DCUN1D4: variants seen among roughly 807,000 people sequenced by gnomAD.
DCUN1D4 encodes the protein DCN1-like protein 4.
Under a neutral mutation model 47.9 loss-of-function variants are expected in DCUN1D4, and 22 were observed. The observed-to-expected ratio is 0.46, with a 90% CI of 0.33 to 0.66. The LOEUF is 0.66. Ranked by LOEUF, DCUN1D4 falls within the 30% of genes least tolerant of loss-of-function variation. The probability of loss-of-function intolerance (pLI) is 0.02; values close to 1 mark genes in which losing one functional copy is unlikely to be tolerated. For synonymous variants in DCUN1D4, 121 were observed against 112.2 expected (o/e 1.08, Z -0.50); for missense variants, 301 against 340.8 (o/e 0.88, Z 0.92).
At chr4:51,847,913 AATTAG>A (rs1301738563) in intron 1 of DCUN1D4, among the ~76,000 whole-genome samples, 6 of 152,130 alleles carry the variant, frequency 3.9e-5, no homozygotes, top group Non-Finnish European at 7.4e-5. Flanking sequence ...TCCCCTCCCC[AATTAG>A]ATTATTACCT....
At chr4:51,863,607 AGTT>A in intron 2 of DCUN1D4, 60 bp from the exon 3 acceptor site, 2 of 1,587,838 alleles carry the variant, frequency 1.3e-6, no homozygotes, top group South Asian at 1.1e-5. Context: ...TTAGGATATC[AGTT>A]GTTTATGAAA....
chr4:51,886,465 T>G, intron 5 of DCUN1D4, 103 bp from the exon 6 acceptor site: 1 of 961,310 alleles, frequency 1.0e-6, no homozygotes. Context: ...CAAAAGGAGT[T>G]AATGGCCTTT....
At chr4:51,848,966 A>AT (rs1722962918) in intron 1 of DCUN1D4, among the ~76,000 whole-genome samples, 2 of 151,946 alleles carry the variant, frequency 1.3e-5, no homozygotes, top group South Asian at 4.2e-4. Flanking sequence ...TCCTTGTGAA[A>AT]TTTTTTGCTG....
chr4:51,873,579 G>A (rs991878163), intron 3 of DCUN1D4, among the ~76,000 whole-genome samples: 7 of 152,182 alleles, frequency 4.6e-5, no homozygotes, highest in African/African-American at 1.4e-4. Flanking sequence ...ACATGCAAGT[G>A]TTAAGAACAG....
At chr4:51,891,874 G>C in intron 7 of DCUN1D4, 23 bp downstream of exon 7, 3 of 1,564,678 alleles carry the variant, frequency 1.9e-6, no homozygotes, top group Non-Finnish European at 2.6e-6. Flanking sequence ...CTGCACTAGT[G>C]GGGGTCCCTG....
At chr4:51,882,303 C>T (rs1728777654) in intron 5 of DCUN1D4, among the ~76,000 whole-genome samples, 1 of 152,152 alleles carries the variant, frequency 6.6e-6, no homozygotes, top group Admixed American at 6.5e-5. Flanking sequence ...GTTCATTTTC[C>T]CATGTGGCAA....
chr4:51,834,401 T>TCAGGGAGGCAGGGAAGAAAGAAGCATCTC, the DCUN1D4 span, among the ~76,000 whole-genome samples: 5 of 151,664 alleles, frequency 3.3e-5, no homozygotes, highest in Non-Finnish European at 5.9e-5. Context: ...TGAGAGTGCT[T>TCAGGGAGGCAGGGAAGAAAGAAGCATCTC]CAGGGAGGCA....
At chr4:51,913,234 C>G in intron 9 of DCUN1D4, 56 bp from the exon 10 acceptor site, 1 of 1,093,868 alleles carries the variant, frequency 9.1e-7, no homozygotes. Context: ...CAATTGAAAC[C>G]GTCCCATTTG....
chr4:51,846,617 G>A (rs1374241795), intron 1 of DCUN1D4, among the ~76,000 whole-genome samples: 2 of 152,124 alleles, frequency 1.3e-5, no homozygotes, highest in Admixed American at 6.5e-5. Context: ...TGCTAACTTA[G>A]CAGTATAAAA....
chr4:51,899,159 C>T, intron 7 of DCUN1D4, 111 bp from the exon 8 acceptor site: 1 of 1,395,932 alleles, frequency 7.2e-7, no homozygotes, highest in Non-Finnish European at 9.3e-7. Flanking sequence ...GGATGTGTTT[C>T]AACTTCAGGG....
At chr4:51,870,475 CAT>C (rs1285960638) in intron 3 of DCUN1D4, among the ~76,000 whole-genome samples, 8 of 150,986 alleles carry the variant, frequency 5.3e-5, no homozygotes, top group African/African-American at 1.9e-4. Flanking sequence ...TTTATTTACT[CAT>C]AGGTGTTTTA....
the DCUN1D4 span, among the ~76,000 whole-genome samples, chr4:51,834,646 C>G: frequency 1.1e-4 from 17 of 152,180 alleles, no homozygotes; most frequent in Admixed American, 2.0e-4. Context: ...GTGAGGTTTG[C>G]CTTTACTCGC....
At chr4:51,907,071 T>C (rs1017132600) in intron 8 of DCUN1D4, among the ~76,000 whole-genome samples, 1 of 152,218 alleles carries the variant, frequency 6.6e-6, no homozygotes, top group Non-Finnish European at 1.5e-5. Context: ...GAATTAGAAA[T>C]AATTGTTGAA....
intron 1 of DCUN1D4, among the ~76,000 whole-genome samples, chr4:51,847,166 A>G (rs750095965): frequency 6.6e-6 from 1 of 152,120 alleles, no homozygotes; most frequent in Non-Finnish European, 1.5e-5. Flanking sequence ...CTTGCAGGTT[A>G]TATCCCTGAA....
chr4:51,880,056 C>T (rs1286201694), intron 5 of DCUN1D4, among the ~76,000 whole-genome samples: 1 of 152,186 alleles, frequency 6.6e-6, no homozygotes, highest in Admixed American at 6.5e-5. Context: ...TTAGCCACCC[C>T]CTTCTTTTTC....
chr4:51,843,142 G>C (rs2109766927), upstream of DCUN1D4: 2 of 1,505,070 alleles, frequency 1.3e-6, no homozygotes, highest in East Asian at 2.6e-5. Flanking sequence ...AGTGCCCGGC[G>C]GCGGGTCCTC....
chr4:51,905,956 AAGTT>A lies in DCUN1D4; in HGVS notation c.616-5111_616-5108del, dbSNP rs1386577479. Among the ~76,000 whole-genome samples, 5 of 152,150 alleles carry A rather than the reference AAGTT, an allele frequency of 3.3e-5. No individual in the cohort carries two copies. In the South Asian group the frequency reaches 6.2e-4, roughly 19 times the overall value. On this transcript the variant is annotated intron_variant, in intron 8 of 10. Coordinates refer to ENST00000334635, the MANE Select transcript of DCUN1D4 (RefSeq NM_001040402.3). ...ACCAGACAGAATCAGGAAGGAAACAAAGTTAGGAGAAACTGCTAGAGAGGGAGAG... is the reference window on the plus strand; with the variant it reads ...ACCAGACAGAATCAGGAAGGAAACAAAGGAGAAACTGCTAGAGAGGGAGAG...
At chr4:51,888,763 G>A (rs1387449651) in intron 6 of DCUN1D4, among the ~76,000 whole-genome samples, 2 of 148,998 alleles carry the variant, frequency 1.3e-5, no homozygotes, top group African/African-American at 4.9e-5. Context: ...TGTAGGAATA[G>A]AAATATCCTT....
At chr4:51,851,955 C>G (rs1358654727) in intron 1 of DCUN1D4, among the ~76,000 whole-genome samples, 2 of 152,206 alleles carry the variant, frequency 1.3e-5, no homozygotes, top group African/African-American at 4.8e-5. Context: ...TGAAATCATT[C>G]TTAACATTTT....
Sources: gnomAD v4.1 joint callset for allele counts (sites outside exome capture counted in the v4.1 genomes callset) on GRCh38, gnomAD v4.1.1 for gene constraint, MANE v1.5 for transcripts, NCBI Gene and HGNC (gene_info 2026-07-23, HGNC 2026-07-21) for gene names.